Variants in SYCP3 observed in about 807,000 individuals in gnomAD.
SYCP3 encodes the protein synaptonemal complex protein 3.
A neutral mutation model predicts 38.5 loss-of-function variants in SYCP3; 29 were observed. That is an observed-to-expected ratio of 0.75 (90% CI 0.56 to 1.03). The LOEUF is 1.03. Among genes scored for constraint, SYCP3 ranks in the 50% least tolerant of loss-of-function variants. SYCP3 has a pLI of 0.00. For missense variants in SYCP3, 242 were observed against 270.7 expected, an observed-to-expected ratio of 0.89 and a Z score of 0.74; for synonymous variants, 79 against 80.3, an observed-to-expected ratio of 0.98 and a Z score of 0.08.
At chr12:101,739,103 G>A (rs1036759041) in intron 1 of SYCP3, among the ~76,000 whole-genome samples, 4 of 152,184 alleles carry the variant, frequency 2.6e-5, no homozygotes, top group Non-Finnish European at 5.9e-5. Flanking sequence ...GCGAGGTAGG[G>A]CCCTGCCCGG....
At chr12:101,735,864 TATATA>T (rs1952399289) in intron 4 of SYCP3, among the ~76,000 whole-genome samples, 2 of 101,060 alleles carry the variant, frequency 2.0e-5, no homozygotes, top group African/African-American at 8.3e-5. Context: ...TATATATATA[TATATA>T]TATTTTTTTT....
intron 4 of SYCP3, among the ~76,000 whole-genome samples, chr12:101,735,871 A>ATTTTTTTTTTTTTTTTTT (rs201568592): frequency 2.7e-5 from 2 of 74,738 alleles, no homozygotes; most frequent in East Asian, 3.8e-4. Flanking sequence ...ATATATATAT[A>ATTTTTTTTTTTTTTTTTT]TTTTTTTTTT....
Position 101,728,885 on chromosome 12 carries a change from G to GT in SYCP3, c.*41dup. On this transcript the variant is annotated 3_prime_UTR_variant, in exon 9 of 9. Coordinates refer to ENST00000392924, the MANE Select transcript of SYCP3 (RefSeq NM_001177949.2). ...ATGCTTCTTAGCTAACGTTATAATT[G>GT]TATCATATTACTTAGGTTCAAGTTC... 1 of 1,612,524 alleles carries GT rather than the reference G, an allele frequency of 6.2e-7. No homozygotes were observed. The highest frequency in any genetic ancestry group is 8.5e-7 in the Non-Finnish European group (1 of 1,179,094).
chr12:101,728,826 A>T lies in SYCP3; in HGVS notation c.*101T>A, dbSNP rs1210403847. On this transcript the variant is annotated 3_prime_UTR_variant, in exon 9 of 9. Coordinates refer to ENST00000392924, the MANE Select transcript of SYCP3 (RefSeq NM_001177949.2). Reference sequence around the variant, plus strand: ...CAATGAAACAGGTTTATGATTAAAGATGTTACAATTAAACTATTCTAAAGA... The same window carrying T: ...CAATGAAACAGGTTTATGATTAAAGTTGTTACAATTAAACTATTCTAAAGA... 1.4e-5 allele frequency: 22 copies of T among 1,535,486 alleles called. No homozygotes were observed. Among genetic ancestry groups the T allele is most frequent in the Middle Eastern group, 2.1e-4 (1 of 4,806 alleles).
intron 1 of SYCP3, among the ~76,000 whole-genome samples, chr12:101,738,805 G>GC (rs1240433136): frequency 1.3e-5 from 2 of 152,212 alleles, no homozygotes; most frequent in Non-Finnish European, 2.9e-5. Flanking sequence ...TGGAGAGGTG[G>GC]CCCCTGAGGC....
intron 7 of SYCP3, 27 bp downstream of exon 7, chr12:101,731,541 T>C (rs1427550825): frequency 7.0e-7 from 1 of 1,420,620 alleles, no homozygotes; most frequent in Non-Finnish European, 9.7e-7. Flanking sequence ...TTTATAACGA[T>C]GTATTGTGTT....
intron 5 of SYCP3, 147 bp from the exon 6 acceptor site, chr12:101,733,821 TA>T: frequency 2.9e-6 from 2 of 681,724 alleles, no homozygotes; most frequent in Non-Finnish European, 4.9e-6. Flanking sequence ...AAAGTAAAAT[TA>T]TGATTTACAC....
chr12:101,739,294 C>T (rs1952615740), intron 1 of SYCP3, 57 bp downstream of exon 1: 1 of 1,002,496 alleles, frequency 1.0e-6, no homozygotes, highest in African/African-American at 1.7e-5. Context: ...CCTCACTGGT[C>T]AAGGGCAGCC....
chr12:101,737,574 G>T, intron 2 of SYCP3: 1 of 671,572 alleles, frequency 1.5e-6, no homozygotes, highest in East Asian at 2.7e-5. Flanking sequence ...AACTGCAAAA[G>T]CAAGAGTTGC....
intron 5 of SYCP3, among the ~76,000 whole-genome samples, chr12:101,734,698 C>T (rs936534247): frequency 7.9e-5 from 12 of 152,088 alleles, no homozygotes; most frequent in Admixed American, 3.3e-4. Context: ...TAGGTTCAAG[C>T]GAGCACGCCT....
At chr12:101,731,860 T>C (rs2137054023) in intron 6 of SYCP3, 194 bp from the exon 7 acceptor site, 1 of 420,242 alleles carries the variant, frequency 2.4e-6, no homozygotes, top group South Asian at 3.8e-5. Flanking sequence ...ATTCTACCAG[T>C]TGCTGAATGG....
intron 6 of SYCP3, chr12:101,733,277 C>T: frequency 2.8e-6 from 1 of 357,268 alleles, no homozygotes; most frequent in South Asian, 2.9e-5. Flanking sequence ...TCCCTGTTCC[C>T]ATCTGGCTAT....
chr12:101,733,471 A>G, intron 6 of SYCP3, 104 bp downstream of exon 6: 1 of 994,432 alleles, frequency 1.0e-6, no homozygotes, highest in South Asian at 1.3e-5. Context: ...ATGGCCAGCA[A>G]TGGTTAATGA....
In SYCP3 at chr12:101,731,674, T is replaced by C; in HGVS notation, c.454-8A>G. ...TTGCTGTCGAAACATATTCTACAAA[T>C]ATAAAAGAAAAAAAACTGTGTAATA... On this transcript the variant is annotated splice_region_variant and splice_polypyrimidine_tract_variant and intron_variant, in intron 6 of 8. Coordinates refer to ENST00000392924, the MANE Select transcript of SYCP3 (RefSeq NM_001177949.2). 2 of 1,574,994 alleles carry C rather than the reference T, an allele frequency of 1.3e-6. No individual in the cohort carries two copies. The highest frequency in any genetic ancestry group is 1.8e-5 in the Admixed American group (1 of 54,422).
intron 2 of SYCP3, chr12:101,737,518 T>C: frequency 1.5e-6 from 1 of 650,094 alleles, no homozygotes; most frequent in Non-Finnish European, 2.6e-6. Context: ...CTCCCTGGGT[T>C]AATGTCACAG....
rs1952624075 is a variant in SYCP3, at chr12:101,739,447, TCTC to T, written c.-117_-115del. The T allele has an allele frequency of 1.0e-6, 1 of 1,002,588 alleles. No homozygotes were observed. Among genetic ancestry groups the T allele is most frequent in the Non-Finnish European group, 1.2e-6 (1 of 830,290 alleles). 62.1% of individuals were successfully genotyped at this position (1,002,588 alleles called of 1,614,324 possible). A position where few individuals can be genotyped will look rare whatever the true frequency, so the allele number is the denominator to read the frequency against. On this transcript the variant is annotated 5_prime_UTR_variant, in exon 1 of 9. Transcript: ENST00000392924. ...GCGCGCTTCACCTGAGGTGGCCCCT[TCTC>T]CGCGACGCTTCTGAGGCAAGCTGGG...
At chr12:101,731,545 TTG>T in intron 7 of SYCP3, 21 bp downstream of exon 7, 1 of 1,467,840 alleles carries the variant, frequency 6.8e-7, no homozygotes, top group Non-Finnish European at 9.4e-7. Flanking sequence ...TAACGATGTA[TTG>T]TGTTACCACA....
Position 101,737,979 on chromosome 12 carries a change from T to A in SYCP3, c.-17-27A>T, listed in dbSNP as rs760199494. The A allele has an allele frequency of 1.9e-6, 3 of 1,612,840 alleles. No individual in the cohort carries two copies. The Admixed American group carries it at 5.0e-5, about 27-fold the overall frequency. ...TTTAAAAAACAAATTTCTTTAACCT[T>A]CTGAATGCAAAGACATCATTTTAAT... On this transcript the variant is annotated intron_variant, in intron 1 of 8. Transcript: ENST00000392924.
chr12:101,735,871 A>ATATATATTTTTTTTTTTTTTTT, intron 4 of SYCP3, among the ~76,000 whole-genome samples: 2 of 74,790 alleles, frequency 2.7e-5, no homozygotes, highest in African/African-American at 1.3e-4. Context: ...ATATATATAT[A>ATATATATTTTTTTTTTTTTTTT]TTTTTTTTTT....
Sources: gnomAD v4.1 joint callset for allele counts (sites outside exome capture counted in the v4.1 genomes callset) on GRCh38, gnomAD v4.1.1 for gene constraint, MANE v1.5 for transcripts, NCBI Gene and HGNC (gene_info 2026-07-23, HGNC 2026-07-21) for gene names.